Variants in DRP2 observed in about 807,000 individuals in gnomAD.
The protein encoded by DRP2 is dystrophin related protein 2, also known as dystrophin-related protein 2.
Under a neutral mutation model 78.2 loss-of-function variants are expected in DRP2, and 29 were observed. The observed-to-expected ratio is 0.37, with a 90% CI of 0.28 to 0.51. The LOEUF (loss-of-function observed/expected upper bound fraction) is 0.51, where lower values mean the gene tolerates loss of function less well. Among genes scored for constraint, DRP2 ranks in the 20% least tolerant of loss-of-function variants. DRP2 has a pLI of 0.94. For synonymous variants in DRP2, 290 were observed against 281.9 expected, an observed-to-expected ratio of 1.03 and a Z score of -0.29; for missense variants, 686 against 770.6, an observed-to-expected ratio of 0.89 and a Z score of 1.30.
At chrX:101,247,227 G>A (rs1602927327) in intron 12 of DRP2, 63 bp downstream of exon 12, 8 of 1,047,577 alleles carry the variant, frequency 7.6e-6, no homozygotes, top group Non-Finnish European at 1.0e-5. Context: ...TCATCTGTCT[G>A]CTGTTTCTCA....
At position 101,250,941 on chromosome X, in the gene DRP2, G is replaced by A. The variant is rs781667468; in HGVS notation, c.1723G>A (p.Ala575Thr). 1 of 1,211,341 alleles carries A rather than the reference G, an allele frequency of 8.3e-7. No individual in the cohort carries two copies. The highest frequency in any genetic ancestry group is 1.8e-5 in the South Asian group (1 of 56,841). The change falls in exon 16 of 24, where the codon GCA becomes ACA. Residue 575 changes from alanine (A) to threonine (T), a missense_variant. Physicochemically the swap from Ala to Thr is moderately conservative, Grantham distance 58. This residue lies in a region of DRP2 where 423 missense variants were observed against 531.5 expected (regional missense o/e 0.80). Coordinates refer to ENST00000395209, the MANE Select transcript of DRP2 (RefSeq NM_001939.3). ...GAGCACCGGGAAGCCAGTCATTGAA[G>A]CATCCCAGTTCCTGGAGTGGGTCAA... ...RFSTGKPVIEASQFLEWVNLE... is the reference protein window; with the variant it reads ...RFSTGKPVIETSQFLEWVNLE...
At chrX:101,232,510 G>A (rs1451441036) in intron 3 of DRP2, among the ~76,000 whole-genome samples, 1 of 111,362 alleles carries the variant, frequency 9.0e-6, no homozygotes, top group African/African-American at 3.3e-5. Flanking sequence ...CTGCAGTGCT[G>A]AGTCACTGCT....
intron 21 of DRP2, among the ~76,000 whole-genome samples, chrX:101,257,594 G>C: frequency 9.2e-6 from 1 of 108,824 alleles, no homozygotes; most frequent in Non-Finnish European, 1.9e-5. Flanking sequence ...CGTGGTGTGA[G>C]CTATGTACTA....
At chrX:101,230,058 C>T (rs1433185673) in intron 2 of DRP2, among the ~76,000 whole-genome samples, 1 of 112,279 alleles carries the variant, frequency 8.9e-6, no homozygotes, top group East Asian at 2.8e-4. Flanking sequence ...TCCTCCCTTA[C>T]TGTTCACATC....
chrX:101,254,325 G>T, intron 17 of DRP2, 100 bp from the exon 18 acceptor site: 3 of 1,055,886 alleles, frequency 2.8e-6, no homozygotes, highest in Non-Finnish European at 3.9e-6. Context: ...GAGCAAGAGT[G>T]GATTACCCAG....
intron 1 of DRP2, among the ~76,000 whole-genome samples, 173 bp downstream of exon 1, chrX:101,220,319 G>A (rs1345721114): frequency 9.7e-6 from 1 of 103,000 alleles, no homozygotes; most frequent in South Asian, 4.4e-4. Flanking sequence ...GTGTGTACGC[G>A]TGCCTGCCTG....
chrX:101,248,040 G>T, intron 12 of DRP2, 49 bp from the exon 13 acceptor site: 1 of 1,133,464 alleles, frequency 8.8e-7, no homozygotes, highest in Non-Finnish European at 1.2e-6. Context: ...AATCCCTGGG[G>T]TTCTACTTTT....
chrX:101,229,329 T>A (rs1038341410), intron 2 of DRP2, among the ~76,000 whole-genome samples: 6 of 111,825 alleles, frequency 5.4e-5, no homozygotes, highest in African/African-American at 2.0e-4. Context: ...GGAGCCATAT[T>A]TTCAGTCATT....
At chrX:101,250,280 G>A in intron 14 of DRP2, 143 bp from the exon 15 acceptor site, 5 of 811,545 alleles carry the variant, frequency 6.2e-6, no homozygotes, top group Non-Finnish European at 8.9e-6. Context: ...GAAGGTCAGG[G>A]ATAGACCTCT....
At chrX:101,236,884 G>T (rs984987163) in intron 4 of DRP2, among the ~76,000 whole-genome samples, 4 of 107,976 alleles carry the variant, frequency 3.7e-5, no homozygotes, top group African/African-American at 1.1e-4. Flanking sequence ...GTGGTGGTGA[G>T]GGGGGGGCAA....
intron 12 of DRP2, among the ~76,000 whole-genome samples, chrX:101,247,873 T>A (rs1212519325): frequency 1.8e-5 from 2 of 112,419 alleles, no homozygotes; most frequent in Admixed American, 9.4e-5. Context: ...GAACATTGGA[T>A]ATAAAAACAT....
intron 6 of DRP2, among the ~76,000 whole-genome samples, chrX:101,239,395 C>T (rs192377226): frequency 3.6e-5 from 4 of 111,766 alleles, no homozygotes; most frequent in Non-Finnish European, 7.5e-5. Context: ...AACAAAAAAC[C>T]ACTCAAATGA....
At chrX:101,224,200 T>G (rs867706112) in intron 1 of DRP2, among the ~76,000 whole-genome samples, 98 of 67,542 alleles carry the variant, frequency 1.5e-3, no homozygotes, top group Middle Eastern at 7.8e-3. Context: ...TGTTTTTTTT[T>G]TTTTTTTTTT....
intron 14 of DRP2, 124 bp downstream of exon 14, chrX:101,248,723 C>T (rs1432252825): frequency 1.4e-5 from 8 of 580,772 alleles, no homozygotes; most frequent in Admixed American, 2.7e-5. Context: ...CTTGGGCTAC[C>T]TTATGATGCT....
Position 101,261,267 on chromosome X carries a change from G to A in DRP2, c.*646G>A, listed in dbSNP as rs1312133620. On this transcript the variant is annotated 3_prime_UTR_variant, in exon 24 of 24. Coordinates refer to ENST00000395209, the MANE Select transcript of DRP2 (RefSeq NM_001939.3). ...CAGTCCCTGACAGACCTTCCTTAAG[G>A]GGAGAACAGTTCATTCTGGTTCTTC... The A allele has an allele frequency of 1.8e-5, 2 of 111,863 alleles. No individual in the cohort carries two copies. Among genetic ancestry groups the A allele is most frequent in the Non-Finnish European group, 3.8e-5 (2 of 53,160 alleles). The allele number at this position is 111,863 out of a possible 1,213,427, so 9.2% of individuals were successfully genotyped here. A position where few individuals can be genotyped will look rare whatever the true frequency, so the allele number is the denominator to read the frequency against.
chrX:101,247,968 C>T, intron 12 of DRP2, 121 bp from the exon 13 acceptor site: 2 of 616,772 alleles, frequency 3.2e-6, no homozygotes, highest in East Asian at 3.4e-5. Context: ...ATCATATTTG[C>T]AAATGGTTGA....
intron 11 of DRP2, 85 bp from the exon 12 acceptor site, chrX:101,247,005 A>T: frequency 1.2e-6 from 1 of 840,527 alleles, no homozygotes; most frequent in Admixed American, 2.6e-5. Context: ...ATTGGTTGCC[A>T]GTCTGGTGGG....
chrX:101,251,181 A>G (rs1923129752), intron 16 of DRP2, 98 bp downstream of exon 16: 1 of 785,286 alleles, frequency 1.3e-6, no homozygotes, highest in South Asian at 2.9e-5. Flanking sequence ...ATTATTATAT[A>G]ATTACAGCTA....
In DRP2 at chrX:101,254,941, G is replaced by A. The variant is rs372294889; in HGVS notation, c.2180+17G>A. Reference sequence around the variant, plus strand: ...TGCCAGCAGGTACCACCAGGTTTGCGGGAGGTGGGTAGGAGCTGTTGTAGG... The same window carrying A: ...TGCCAGCAGGTACCACCAGGTTTGCAGGAGGTGGGTAGGAGCTGTTGTAGG... On this transcript the variant is annotated intron_variant, in intron 19 of 23. Coordinates refer to ENST00000395209, the MANE Select transcript of DRP2 (RefSeq NM_001939.3). 3.5e-5 allele frequency: 42 copies of A among 1,209,018 alleles called. No individual in the cohort carries two copies. The highest frequency in any genetic ancestry group is 4.4e-5 in the Non-Finnish European group (39 of 894,682).
Sources: gnomAD v4.1 joint callset for allele counts (sites outside exome capture counted in the v4.1 genomes callset) on GRCh38, gnomAD v4.1.1 for gene constraint, gnomAD v4.1.1 regional missense constraint, MANE v1.5 for transcripts, NCBI Gene and HGNC (gene_info 2026-07-23, HGNC 2026-07-21) for gene names.